Variants in IGSF11 observed in about 807,000 individuals in gnomAD.
IGSF11 encodes CXADR like 1.
In IGSF11, 22 loss-of-function variants were observed where a neutral mutation model predicts 41.0. The ratio of observed to expected loss-of-function variants is 0.54; its 90% CI spans 0.38 to 0.77. The LOEUF is 0.77. Among genes scored for constraint, IGSF11 ranks in the 30% least tolerant of loss-of-function variants. IGSF11 has a pLI of 0.00. For synonymous variants in IGSF11, 219 were observed against 201.3 expected (o/e 1.09, Z -0.74); for missense variants, 444 against 530.8 (o/e 0.84, Z 1.61).
intron 4 of IGSF11, among the ~76,000 whole-genome samples, chr3:118,914,172 G>C (rs1940736494): frequency 6.6e-6 from 1 of 152,076 alleles, no homozygotes; most frequent in South Asian, 2.1e-4. Flanking sequence ...ATATTATAAA[G>C]AATATTCAAA....
chr3:119,123,707 G>A (rs1222578839), intron 1 of IGSF11, among the ~76,000 whole-genome samples: 1 of 152,174 alleles, frequency 6.6e-6, no homozygotes, highest in East Asian at 1.9e-4. Flanking sequence ...AAGAGAACAA[G>A]AGTCCCTACC....
chr3:118,998,479 G>A (rs1936486792), intron 1 of IGSF11, among the ~76,000 whole-genome samples: 2 of 148,308 alleles, frequency 1.3e-5, no homozygotes, highest in South Asian at 2.1e-4. Context: ...CATTGGGGGG[G>A]AAAAAAAAGA....
chr3:118,948,856 C>A (rs761887485), intron 1 of IGSF11, among the ~76,000 whole-genome samples: 4 of 151,242 alleles, frequency 2.6e-5, no homozygotes, highest in African/African-American at 4.9e-5. Context: ...CCTGTAGTCC[C>A]AGCTACTCGG....
chr3:118,929,064 A>G (rs961408844), intron 2 of IGSF11, among the ~76,000 whole-genome samples: 1 of 152,216 alleles, frequency 6.6e-6, no homozygotes, highest in Admixed American at 6.5e-5. Context: ...TGCCATTCTC[A>G]TGCTTATTAG....
chr3:119,044,356 G>A (rs1941235765), intron 1 of IGSF11, among the ~76,000 whole-genome samples: 1 of 151,664 alleles, frequency 6.6e-6, no homozygotes, highest in Non-Finnish European at 1.5e-5. Flanking sequence ...AATCAGACAA[G>A]GGTAAAGAAA....
chr3:118,979,371 G>T (rs1392874015), intron 1 of IGSF11, among the ~76,000 whole-genome samples: 1 of 152,102 alleles, frequency 6.6e-6, no homozygotes, highest in African/African-American at 2.4e-5. Context: ...GCCAAGTCTA[G>T]AAAGAGATTA....
At chr3:119,045,386 C>A (rs923417557) in intron 1 of IGSF11, among the ~76,000 whole-genome samples, 1 of 152,222 alleles carries the variant, frequency 6.6e-6, no homozygotes, top group South Asian at 2.1e-4. Context: ...GGGTGACGAA[C>A]GGCACCTGGA....
intron 1 of IGSF11, among the ~76,000 whole-genome samples, chr3:119,111,651 G>C (rs1429436511): frequency 1.3e-5 from 2 of 152,220 alleles, no homozygotes; most frequent in Non-Finnish European, 2.9e-5. Context: ...CGTTCCTTTG[G>C]AGGAGGAGAG....
At chr3:118,967,628 G>A (rs1945773186) in intron 1 of IGSF11, among the ~76,000 whole-genome samples, 1 of 151,978 alleles carries the variant, frequency 6.6e-6, no homozygotes, top group Non-Finnish European at 1.5e-5. Context: ...AAATTCAGTA[G>A]GTCTCAGCTT....
chr3:118,917,096 G>A (rs1045515406), intron 4 of IGSF11, among the ~76,000 whole-genome samples: 1,522 of 151,622 alleles, frequency 0.01, 24 homozygotes, highest in East Asian at 0.061. Context: ...TCTCTGGGAC[G>A]CATTCAAAGC....
At chr3:119,142,760 C>A (rs2077666477) in intron 1 of IGSF11, among the ~76,000 whole-genome samples, 2 of 150,288 alleles carry the variant, frequency 1.3e-5, no homozygotes, top group Non-Finnish European at 3.0e-5. Context: ...TCAACAAACT[C>A]CAAAAGAATA....
intron 1 of IGSF11, among the ~76,000 whole-genome samples, chr3:118,957,644 C>T (rs1436923854): frequency 6.6e-6 from 1 of 152,200 alleles, no homozygotes; most frequent in African/African-American, 2.4e-5. Flanking sequence ...TCTCCAATCA[C>T]TATTTATTTC....
At chr3:119,040,179 TGGA>T (rs915866027) in intron 1 of IGSF11, among the ~76,000 whole-genome samples, 1 of 152,180 alleles carries the variant, frequency 6.6e-6, no homozygotes. Flanking sequence ...CTGCACAGGA[TGGA>T]TGGATCAGCT....
chr3:118,948,141 A>C (rs549971424), intron 1 of IGSF11: 1 of 152,368 alleles, frequency 6.6e-6, no homozygotes, highest in South Asian at 2.1e-4. Context: ...AAAATGTAAA[A>C]TGTAAGGAAT....
At chr3:119,045,905 G>A (rs1363579748) in intron 1 of IGSF11, among the ~76,000 whole-genome samples, 1 of 151,906 alleles carries the variant, frequency 6.6e-6, no homozygotes, top group Non-Finnish European at 1.5e-5. Context: ...ACACTCCAGG[G>A]TACTCCAACA....
chr3:118,982,218 T>C (rs1418199415), intron 1 of IGSF11, among the ~76,000 whole-genome samples: 1 of 151,994 alleles, frequency 6.6e-6, no homozygotes, highest in Non-Finnish European at 1.5e-5. Flanking sequence ...TAAGGCCATC[T>C]CCCTTGGATC....
intron 1 of IGSF11, among the ~76,000 whole-genome samples, chr3:119,008,619 A>T (rs1009036156): frequency 5.3e-5 from 8 of 152,194 alleles, no homozygotes; most frequent in African/African-American, 1.9e-4. Context: ...GGTGATTCTG[A>T]ATAAGTCCAC....
intron 1 of IGSF11, among the ~76,000 whole-genome samples, chr3:118,999,974 A>G (rs1936648340): frequency 6.6e-6 from 1 of 152,042 alleles, no homozygotes; most frequent in African/African-American, 2.4e-5. Context: ...TCAATTAACC[A>G]TCTAAATTCA....
At chr3:118,905,468 A>G in intron 5 of IGSF11, 128 bp downstream of exon 5, 1 of 1,029,680 alleles carries the variant, frequency 9.7e-7, no homozygotes, top group Non-Finnish European at 1.4e-6. Context: ...AATAATTAAA[A>G]CCAAAACAAT....
Sources: allele counts gnomAD v4.1 joint callset (sites outside exome capture counted in the v4.1 genomes callset), GRCh38; gene constraint gnomAD v4.1.1; transcripts MANE v1.5; gene names NCBI Gene and HGNC (gene_info 2026-07-23, HGNC 2026-07-21).